RFX1: variants seen among roughly 807,000 people sequenced by gnomAD.
RFX1 encodes MHC class II regulatory factor RFX1.
Under a neutral mutation model 119.6 loss-of-function variants are expected in RFX1, and 42 were observed. The observed-to-expected ratio is 0.35, with a 90% CI of 0.27 to 0.45. The LOEUF is 0.45. RFX1 is among the 20% of genes least tolerant of loss of function. The probability of loss-of-function intolerance (pLI) is 1.00; values close to 1 mark genes in which losing one functional copy is unlikely to be tolerated. For missense variants in RFX1, 1,118 were observed against 1,368.1 expected, an observed-to-expected ratio of 0.82 and a Z score of 2.88; for synonymous variants, 628 against 618.5, an observed-to-expected ratio of 1.02 and a Z score of -0.23.
At chr19:13,984,152 G>C (rs564708598) in intron 2 of RFX1, among the ~76,000 whole-genome samples, 69 of 150,316 alleles carry the variant, frequency 4.6e-4, no homozygotes, top group African/African-American at 1.7e-3. Context: ...GGGGGAGGCA[G>C]GTACTCACGC....
rs2145552258 is a variant in RFX1 at position 13,969,862 on chromosome 19, CT to C, written c.1496+131del. 3.6e-6 allele frequency: 3 copies of C among 834,126 alleles called. No individual in the cohort carries two copies. In the South Asian group the frequency reaches 5.5e-5, roughly 15 times the overall value. 51.7% of individuals were successfully genotyped at this position (834,126 alleles called of 1,614,324 possible). A position where few individuals can be genotyped will look rare whatever the true frequency, so the allele number is the denominator to read the frequency against. On this transcript the variant is annotated intron_variant, in intron 10 of 20. Coordinates refer to ENST00000254325, the MANE Select transcript of RFX1 (RefSeq NM_002918.5). The surrounding 1 kb of genome is among the most constrained non-coding windows in gnomAD (Gnocchi z 4.5). The stretch of plus-strand genomic sequence containing the variant: ...AGGCCTAGAGTGGGAGTGAGCGGGG[CT>C]GTCGAGGAGCCTCGCAGAGGCCGGC...
At chr19:14,000,758 G>C (rs1196220948) in intron 1 of RFX1, among the ~76,000 whole-genome samples, 1 of 151,514 alleles carries the variant, frequency 6.6e-6, no homozygotes, top group East Asian at 1.9e-4. Flanking sequence ...TGATCACACC[G>C]CCACACTCCA....
At position 13,993,548 on chromosome 19, in the gene RFX1, T is replaced by C. The variant is rs201999331; in HGVS notation, c.296A>G (p.Gln99Arg). 3.7e-6 allele frequency: 6 copies of C among 1,612,842 alleles called. No homozygotes were observed. The highest frequency in any genetic ancestry group is 2.2e-5 in the East Asian group (1 of 44,850). ...ACCAGAGACAGTGACCACGATGTAC[T>C]GCTGGGGTGCAGGCGAAGGGGTGGG... Reference protein sequence around the residue: ...GAPTPSPAPQQYIVVTVSEGA... With the variant: ...GAPTPSPAPQRYIVVTVSEGA... The change falls in exon 2 of 21, where the codon CAG becomes CGG. Residue 99 changes from glutamine (Q) to arginine (R), a missense_variant. Gln to Arg is a conservative substitution (Grantham distance 43). This residue lies in a region of RFX1 where 542 missense variants were observed against 602.7 expected (regional missense o/e 0.90). Coordinates refer to ENST00000254325, the MANE Select transcript of RFX1 (RefSeq NM_002918.5).
chr19:14,000,439 A>G (rs2145640963), intron 1 of RFX1, among the ~76,000 whole-genome samples: 1 of 151,980 alleles, frequency 6.6e-6, no homozygotes, highest in South Asian at 2.1e-4. Flanking sequence ...GTGAGCTGAG[A>G]TTGTGCCACT....
At chr19:13,992,127 G>A (rs115123510) in intron 2 of RFX1, among the ~76,000 whole-genome samples, 2,268 of 152,082 alleles carry the variant, frequency 0.015, 63 homozygotes, top group African/African-American at 0.052. Context: ...TGAGGCCTCC[G>A]TCCACCACAG....
At chr19:13,988,416 C>A (rs1974684797) in intron 2 of RFX1, among the ~76,000 whole-genome samples, 1 of 152,180 alleles carries the variant, frequency 6.6e-6, no homozygotes, top group African/African-American at 2.4e-5. Context: ...TGTGTGCCCA[C>A]TCCAGACCCT....
At position 13,962,683 on chromosome 19, in the gene RFX1, G is replaced by GGGC; in HGVS notation, c.*11_*12insGCC. 1.1e-6 allele frequency: 1 copy of GGGC among 878,504 alleles called. No homozygotes were observed. The highest frequency in any genetic ancestry group is 1.6e-6 in the Non-Finnish European group (1 of 624,646). The allele number at this position is 878,504 out of a possible 1,614,324, so 54.4% of individuals were successfully genotyped here. A position where few individuals can be genotyped will look rare whatever the true frequency, so the allele number is the denominator to read the frequency against. ...GGGTGGCGGGGGCGGGTGGGGCGGG[G>GGGC]AGGCCAAGGGCTTAGCTGGAGGGCA... is the stretch of plus-strand genomic sequence containing the variant. On this transcript the variant is annotated 3_prime_UTR_variant, in exon 21 of 21. Coordinates refer to ENST00000254325, the MANE Select transcript of RFX1 (RefSeq NM_002918.5).
At position 13,993,527 on chromosome 19, in the gene RFX1, G is replaced by C; in HGVS notation, c.317C>G (p.Ser106Cys). Residue 106 changes from serine (S) to cysteine (C), a missense_variant and splice_region_variant, in exon 2 of 21, where the codon TCT becomes TGT. Ser to Cys is a moderately radical substitution (Grantham distance 112). Around this residue, in one of 5 missense-constraint regions of RFX1, gnomAD observed 542 missense variants for 602.7 expected, o/e 0.90. Coordinates refer to ENST00000254325, the MANE Select transcript of RFX1 (RefSeq NM_002918.5). ...GGACACACGAGCGCGGCACTTACCA[G>C]AGACAGTGACCACGATGTACTGCTG... Reference protein sequence around the residue: ...APQQYIVVTVSEGAMRASETV... With the variant: ...APQQYIVVTVCEGAMRASETV... The C allele has an allele frequency of 6.2e-7, 1 of 1,611,762 alleles. No homozygotes were observed. The highest frequency in any genetic ancestry group is 8.5e-7 in the Non-Finnish European group (1 of 1,178,970).
intron 1 of RFX1, among the ~76,000 whole-genome samples, chr19:14,004,746 T>C (rs891210362): frequency 3.0e-4 from 45 of 152,056 alleles, no homozygotes; most frequent in African/African-American, 9.9e-4. Flanking sequence ...TATTGACTGA[T>C]TTAAAAGGAA....
intron 2 of RFX1, 119 bp downstream of exon 2, chr19:13,993,406 C>T (rs922513294): frequency 6.2e-6 from 6 of 971,052 alleles, no homozygotes; most frequent in Non-Finnish European, 6.0e-6. Flanking sequence ...CCTAGTGATA[C>T]CCCAAGTCCC....
In RFX1 at chr19:13,968,521, C is replaced by T; in HGVS notation, c.1732+44G>A. 6.7e-7 allele frequency: 1 copy of T among 1,488,722 alleles called. No homozygotes were observed. The highest frequency in any genetic ancestry group is 1.1e-5 in the South Asian group (1 of 88,500). 92.2% of individuals were successfully genotyped at this position (1,488,722 alleles called of 1,614,324 possible). ...AGCTTTGGGAACCGTCTGCACGGGG[C>T]AGGGAGGCGGTGGTTGGGGAAGCAC... On this transcript the variant is annotated intron_variant, in intron 12 of 20. Coordinates refer to ENST00000254325, the MANE Select transcript of RFX1 (RefSeq NM_002918.5). The surrounding 1 kb of genome is among the most constrained non-coding windows in gnomAD (Gnocchi z 5.5).
intron 8 of RFX1, among the ~76,000 whole-genome samples, chr19:13,977,000 A>T (rs1974271000): frequency 6.6e-6 from 1 of 150,554 alleles, no homozygotes; most frequent in African/African-American, 2.5e-5. Context: ...TGTCTCAAAA[A>T]AAACAGAAAA....
At chr19:14,005,454 G>C (rs1486311778) in intron 1 of RFX1, among the ~76,000 whole-genome samples, 1 of 152,198 alleles carries the variant, frequency 6.6e-6, no homozygotes, top group East Asian at 1.9e-4. Context: ...TAGATACGAG[G>C]AAAAGGTTCA....
At chr19:13,964,591 C>T (rs1018012882) in intron 16 of RFX1, among the ~76,000 whole-genome samples, 3 of 152,122 alleles carry the variant, frequency 2.0e-5, no homozygotes, top group African/African-American at 4.8e-5. Context: ...AAGCGATTCT[C>T]GTGCCTCAGC....
chr19:14,005,288 C>T (rs906137159), intron 1 of RFX1, among the ~76,000 whole-genome samples: 2 of 152,176 alleles, frequency 1.3e-5, no homozygotes, highest in East Asian at 3.8e-4. Context: ...AAACCAGATC[C>T]TCCACGCTAA....
At chr19:14,004,690 T>C (rs533516328) in intron 1 of RFX1, among the ~76,000 whole-genome samples, 6 of 152,154 alleles carry the variant, frequency 3.9e-5, no homozygotes, top group African/African-American at 1.2e-4. Flanking sequence ...CAGACCAATC[T>C]CAAACTCTTG....
intron 1 of RFX1, among the ~76,000 whole-genome samples, chr19:14,003,265 C>T (rs1443165425): frequency 6.6e-6 from 1 of 151,788 alleles, no homozygotes; most frequent in Non-Finnish European, 1.5e-5. Flanking sequence ...GGGGAGTGAG[C>T]ACCCAAATTG....
Position 13,989,551 on chromosome 19 carries a change from G to GAGAGAC in RFX1, c.319+3973_319+3974insGTCTCT, listed in dbSNP as rs1555755075. 5.2e-4 allele frequency among the ~76,000 whole-genome samples: 76 copies of GAGAGAC among 145,418 alleles called. 1 individual carries two copies. The South Asian group carries it at 0.014, about 27-fold the overall frequency. On this transcript the variant is annotated intron_variant, in intron 2 of 20. Transcript: ENST00000254325. ...CACCCAGCTTAGAGAGAGAGAGAGA[G>GAGAGAC]AGACAGACAGACAGACAGACAGACA...
At chr19:14,005,260 ATGGAC>A (rs1227124363) in intron 1 of RFX1, among the ~76,000 whole-genome samples, 1 of 152,118 alleles carries the variant, frequency 6.6e-6, no homozygotes, top group Non-Finnish European at 1.5e-5. Flanking sequence ...CCTCCCTACC[ATGGAC>A]TTTGATTTCT....
Sources: allele counts gnomAD v4.1 joint callset (sites outside exome capture counted in the v4.1 genomes callset), GRCh38; gene constraint gnomAD v4.1.1; regional missense constraint gnomAD v4.1.1; non-coding constraint Gnocchi (gnomAD v3.1); transcripts MANE v1.5; gene names NCBI Gene and HGNC (gene_info 2026-07-23, HGNC 2026-07-21).